ASCC1: variants seen among roughly 807,000 people sequenced by gnomAD.
ASCC1 encodes ASC-1 complex subunit P50.
ASCC1 carries 35 observed loss-of-function variants against 46.6 expected under a neutral mutation model. The ratio of observed to expected loss-of-function variants is 0.75; its 90% CI spans 0.57 to 0.99. The LOEUF is 0.99. Among genes scored for constraint, ASCC1 ranks in the 50% least tolerant of loss-of-function variants. ASCC1 has a pLI of 0.00. For missense variants in ASCC1, 376 were observed against 428.7 expected (o/e 0.88, Z 1.09); for synonymous variants, 143 against 146.6 (o/e 0.98, Z 0.18).
At chr10:72,204,831 T>C (rs11000218) in intron 3 of ASCC1, among the ~76,000 whole-genome samples, 21,770 of 152,138 alleles carry the variant, frequency 0.14, 4,454 homozygotes, top group African/African-American at 0.45. Flanking sequence ...CTCTGTGAGG[T>C]CTTTGTTTTC....
At chr10:72,156,912 C>G (rs892230324) in intron 6 of ASCC1, among the ~76,000 whole-genome samples, 5 of 152,112 alleles carry the variant, frequency 3.3e-5, no homozygotes, top group Non-Finnish European at 5.9e-5. Context: ...TAAAGATTCC[C>G]TTAACACTTC....
chr10:72,182,120 G>A (rs915735967), intron 5 of ASCC1, among the ~76,000 whole-genome samples: 10 of 152,198 alleles, frequency 6.6e-5, no homozygotes, highest in African/African-American at 2.4e-4. Flanking sequence ...AGACTAGGAA[G>A]TTCTAGGCCC....
intron 9 of ASCC1, among the ~76,000 whole-genome samples, chr10:72,110,446 G>C (rs115585955): frequency 0.011 from 1,677 of 152,294 alleles, 22 homozygotes; most frequent in African/African-American, 0.038. Context: ...CCAGCCTCAG[G>C]CCATCTCCAC....
intron 5 of ASCC1, among the ~76,000 whole-genome samples, chr10:72,193,311 G>A (rs908875947): frequency 3.9e-5 from 6 of 152,132 alleles, no homozygotes; most frequent in Non-Finnish European, 8.8e-5. Flanking sequence ...AAATAGTAAG[G>A]AACAAACTCC....
intron 9 of ASCC1, among the ~76,000 whole-genome samples, chr10:72,112,469 A>T (rs1843018814): frequency 6.6e-6 from 1 of 151,864 alleles, no homozygotes; most frequent in South Asian, 2.1e-4. Flanking sequence ...AATGATGAAA[A>T]AGTTCTGGAG....
At chr10:72,102,507 G>GA in intron 9 of ASCC1, 1 of 1,001,506 alleles carries the variant, frequency 1.0e-6, no homozygotes, top group Non-Finnish European at 1.5e-6. Flanking sequence ...CTAGGGAAAT[G>GA]AACCTTTTTT....
intron 5 of ASCC1, among the ~76,000 whole-genome samples, chr10:72,165,125 T>C (rs1450048643): frequency 6.6e-6 from 1 of 151,796 alleles, no homozygotes; most frequent in Non-Finnish European, 1.5e-5. Context: ...TCTTTTTCTT[T>C]TTTTTTGAGA....
chr10:72,189,352 A>G (rs556039726), intron 5 of ASCC1, among the ~76,000 whole-genome samples: 2 of 151,968 alleles, frequency 1.3e-5, no homozygotes, highest in South Asian at 4.2e-4. Context: ...AGCTTGCAGT[A>G]AGCAGAGATC....
At chr10:72,133,305 A>T in intron 7 of ASCC1, 124 bp from the exon 8 acceptor site, 1 of 967,336 alleles carries the variant, frequency 1.0e-6, no homozygotes, top group Non-Finnish European at 1.6e-6. Context: ...CCTGCATCAC[A>T]GGAGGAAGAA....
At chr10:72,122,159 G>A (rs945059941) in intron 9 of ASCC1, among the ~76,000 whole-genome samples, 2 of 152,252 alleles carry the variant, frequency 1.3e-5, no homozygotes, top group South Asian at 2.1e-4. Context: ...AGCGGCTCAC[G>A]CCTGTAATCC....
At chr10:72,151,992 ATTTTT>A (rs35458668) in intron 7 of ASCC1, among the ~76,000 whole-genome samples, 1 of 118,200 alleles carries the variant, frequency 8.5e-6, no homozygotes, top group Admixed American at 8.6e-5. Context: ...ACCGGCCAAT[ATTTTT>A]TTTTTTTTTT....
intron 5 of ASCC1, among the ~76,000 whole-genome samples, chr10:72,186,950 A>G (rs1487783394): frequency 2.9e-5 from 3 of 104,608 alleles, no homozygotes; most frequent in Admixed American, 8.3e-5. Flanking sequence ...ACATGCCCAG[A>G]AAAAAAAAAA....
intron 6 of ASCC1, chr10:72,158,909 G>GA (rs1474975962): frequency 1.3e-5 from 2 of 152,110 alleles, no homozygotes; most frequent in East Asian, 1.9e-4. Context: ...CAAAGAGCAA[G>GA]AAAAAATTCG....
chr10:72,178,131 A>G (rs1476570954), intron 5 of ASCC1, among the ~76,000 whole-genome samples: 1 of 152,234 alleles, frequency 6.6e-6, no homozygotes, highest in Non-Finnish European at 1.5e-5. Flanking sequence ...ATTATGTTCA[A>G]GGAAGGATGA....
Position 72,192,653 on chromosome 10 carries a change from C to T in ASCC1, c.489+4158G>A, listed in dbSNP as rs564993638. Among the ~76,000 whole-genome samples the T allele has an allele frequency of 3.3e-5, 5 of 152,082 alleles. No individual in the cohort carries two copies. In the South Asian group the frequency reaches 1.0e-3, roughly 32 times the overall value. On this transcript the variant is annotated intron_variant, in intron 5 of 9. Coordinates refer to ENST00000672957, the MANE Select transcript of ASCC1 (RefSeq NM_001198800.3). ...GGATTACAGATGTACACCACCGTGC[C>T]TGGCTAATTTTTGTATTTTTAGTAG...
chr10:72,214,518 G>A (rs1445911197), intron 1 of ASCC1, among the ~76,000 whole-genome samples: 1 of 151,570 alleles, frequency 6.6e-6, no homozygotes, highest in Non-Finnish European at 1.5e-5. Flanking sequence ...TGGAATTACA[G>A]GCCCCTGCCA....
chr10:72,156,738 C>G (rs1849022348), intron 6 of ASCC1, among the ~76,000 whole-genome samples: 1 of 148,434 alleles, frequency 6.7e-6, no homozygotes, highest in Non-Finnish European at 1.5e-5. Context: ...CGCCACTGCA[C>G]TCCAGCCTGG....
At chr10:72,134,587 T>C (rs566073064) in intron 7 of ASCC1, 5 of 152,492 alleles carry the variant, frequency 3.3e-5, no homozygotes, top group Admixed American at 1.3e-4. Flanking sequence ...TCTATAGATT[T>C]TCTCCAGTCC....
chr10:72,150,443 C>G (rs1233594613), intron 7 of ASCC1, among the ~76,000 whole-genome samples: 4 of 152,098 alleles, frequency 2.6e-5, no homozygotes, highest in Non-Finnish European at 5.9e-5. Context: ...CTTCTTCTAC[C>G]CTGCCCTAAA....
Sources: allele counts gnomAD v4.1 joint callset (sites outside exome capture counted in the v4.1 genomes callset), GRCh38; gene constraint gnomAD v4.1.1; transcripts MANE v1.5; gene names NCBI Gene and HGNC (gene_info 2026-07-23, HGNC 2026-07-21).